The following RIF1 variants were observed in gnomAD, a reference collection of about 807,000 sequenced individuals.
RIF1 encodes telomere-associated protein RIF1.
Under a neutral mutation model 247.1 loss-of-function variants are expected in RIF1, and 45 were observed. The observed-to-expected ratio is 0.18, with a 90% CI of 0.14 to 0.23. The LOEUF (loss-of-function observed/expected upper bound fraction) is 0.23, where lower values mean the gene tolerates loss of function less well. RIF1 is among the 10% of genes least tolerant of loss of function. The probability of loss-of-function intolerance (pLI) is 1.00; values close to 1 mark genes in which losing one functional copy is unlikely to be tolerated. For synonymous variants in RIF1, 1,087 were observed against 978.8 expected, an observed-to-expected ratio of 1.11 and a Z score of -2.06; for missense variants, 2,967 against 2,862.5, an observed-to-expected ratio of 1.04 and a Z score of -0.83.
chr2:151,458,661 G>T lies in RIF1; in HGVS notation c.2856-150G>T, dbSNP rs527358433. 1.9e-5 allele frequency: 8 copies of T among 424,206 alleles called. No homozygotes were observed. The South Asian group carries it at 6.7e-4, about 36-fold the overall frequency. 26.3% of individuals were successfully genotyped at this position (424,206 alleles called of 1,614,324 possible). A position where few individuals can be genotyped will look rare whatever the true frequency, so the allele number is the denominator to read the frequency against. ...TATAAAAATTGCCTAATTTTTCTCA[G>T]TTTTATATACACATAGTAAGGAACA... On this transcript the variant is annotated intron_variant, in intron 24 of 35. Coordinates refer to ENST00000444746, the MANE Select transcript of RIF1 (RefSeq NM_018151.5).
In RIF1 at chr2:151,480,256, C is replaced by T. The variant is rs1335059765; in HGVS notation, c.*5185C>T. 1 of 152,158 alleles carries T rather than the reference C, an allele frequency of 6.6e-6. No homozygotes were observed. Among genetic ancestry groups the T allele is most frequent in the Non-Finnish European group, 1.5e-5 (1 of 68,012 alleles). 9.4% of individuals were successfully genotyped at this position (152,158 alleles called of 1,614,324 possible). ...AGAAAAAAACTCTAACTTTTGTACT[C>T]TACTTGTAGCAGAGGGAATATTTTT... On this transcript the variant is annotated 3_prime_UTR_variant, in exon 36 of 36. Coordinates refer to ENST00000444746, the MANE Select transcript of RIF1 (RefSeq NM_018151.5).
the RIF1 span, chr2:151,516,566 G>A: frequency 6.3e-7 from 1 of 1,589,374 alleles, no homozygotes; most frequent in South Asian, 1.1e-5. Flanking sequence ...TATTTCACCT[G>A]GTGATAGAAA....
rs556859384 is a variant in RIF1 at position 151,458,051 on chromosome 2, G to A, written c.2855+88G>A. ...TTTGATTCAAATAATCTTTTCTTAT[G>A]GGGTATTGTTACAGAGGATTCCTTA... On this transcript the variant is annotated intron_variant, in intron 24 of 35. Transcript: ENST00000444746. The A allele has an allele frequency of 7.6e-6, 7 of 922,204 alleles. No homozygotes were observed. The African/African-American group carries it at 1.2e-4, about 15-fold the overall frequency. 57.1% of individuals were successfully genotyped at this position (922,204 alleles called of 1,614,324 possible).
At chr2:151,514,957 TA>T in the RIF1 span, 313 of 1,401,014 alleles carry the variant, frequency 2.2e-4, 1 homozygote, top group South Asian at 7.5e-4. Context: ...AAAGACAAGT[TA>T]AAAAAAAATC....
chr2:151,510,657 ATTAG>A (rs1443136552), downstream of RIF1, among the ~76,000 whole-genome samples: 22 of 152,282 alleles, frequency 1.4e-4, no homozygotes, highest in South Asian at 2.1e-4. Flanking sequence ...GTTCTATTTT[ATTAG>A]TTATTGTTGT....
chr2:151,517,686 T>A, the RIF1 span, among the ~76,000 whole-genome samples: 3 of 152,216 alleles, frequency 2.0e-5, no homozygotes, highest in African/African-American at 7.2e-5. Flanking sequence ...CTGTACAGCA[T>A]ATTATTTTAC....
At chr2:151,518,401 C>CATACTTCTTCTT in the RIF1 span, 1 of 1,609,522 alleles carries the variant, frequency 6.2e-7, no homozygotes, top group African/African-American at 1.3e-5. Context: ...TTACTCTTCT[C>CATACTTCTTCTT]ATACTTCTTC....
intron 9 of RIF1, among the ~76,000 whole-genome samples, chr2:151,429,308 G>A (rs1689648456): frequency 6.6e-6 from 1 of 152,038 alleles, no homozygotes; most frequent in Admixed American, 6.6e-5. Context: ...AGCCTCCCGA[G>A]TAGCTGGGAT....
At chr2:151,467,663 T>C (rs889171699) in intron 30 of RIF1, among the ~76,000 whole-genome samples, 1 of 152,170 alleles carries the variant, frequency 6.6e-6, no homozygotes, top group Non-Finnish European at 1.5e-5. Flanking sequence ...TTTACATCAG[T>C]CTTCTTTCTA....
chr2:151,464,144 T>C lies in RIF1; in HGVS notation c.4624T>C (p.Ser1542Pro), dbSNP rs745940946. Residue 1542 changes from serine (S) to proline (P), a missense_variant, in exon 30 of 36, where the codon TCT (serine) becomes CCT (proline). This residue lies in a region of RIF1 where 2,028 missense variants were observed against 1,825.6 expected (regional missense o/e 1.11). Transcript: ENST00000444746. ...GRTRYQTRRA[S>P]QGLLSSIENS... is the part of the protein sequence containing the mutation. ...AACACGGTATCAAACTAGAAGAGCA[T>C]CTCAGGGTTTGCTTTCCAGCATTGA... The C allele has an allele frequency of 4.3e-6, 7 of 1,610,174 alleles. 1 individual carries two copies. Among genetic ancestry groups the C allele is most frequent in the African/African-American group, 4.0e-5 (3 of 74,498 alleles).
intron 7 of RIF1, among the ~76,000 whole-genome samples, chr2:151,420,847 AT>A: frequency 6.6e-6 from 1 of 152,178 alleles, no homozygotes. Context: ...GCAAAGGCAC[AT>A]TGCTCATTAC....
intron 11 of RIF1, chr2:151,501,592 T>TGAA (rs1278178787): frequency 3.8e-6 from 2 of 529,662 alleles, no homozygotes; most frequent in African/African-American, 1.9e-5. Flanking sequence ...GTTTTTATGA[T>TGAA]GAAGTACCTC....
chr2:151,456,505 T>G (rs1187849796), intron 22 of RIF1, 73 bp from the exon 23 acceptor site: 1 of 800,058 alleles, frequency 1.2e-6, no homozygotes, highest in Admixed American at 2.7e-5. Context: ...ACCTTTTTCT[T>G]AGGATTAGCT....
At chr2:151,422,588 C>T (rs1203878463) in intron 7 of RIF1, among the ~76,000 whole-genome samples, 1 of 151,952 alleles carries the variant, frequency 6.6e-6, no homozygotes, top group Non-Finnish European at 1.5e-5. Flanking sequence ...CAACCTCCAC[C>T]TCCCAGGTTC....
intron 6 of RIF1, 73 bp from the exon 7 acceptor site, chr2:151,420,117 T>C (rs1418725942): frequency 6.9e-6 from 9 of 1,296,078 alleles, no homozygotes; most frequent in Non-Finnish European, 9.7e-6. Context: ...TATTTCTGTT[T>C]CACCTATTTT....
intron 6 of RIF1, among the ~76,000 whole-genome samples, chr2:151,417,884 C>T (rs1687482849): frequency 6.6e-6 from 1 of 152,104 alleles, no homozygotes; most frequent in African/African-American, 2.4e-5. Context: ...ACCTGTTGCT[C>T]CTAGGCTACA....
At chr2:151,523,080 T>A in the RIF1 span, among the ~76,000 whole-genome samples, 3 of 152,224 alleles carry the variant, frequency 2.0e-5, no homozygotes, top group African/African-American at 7.2e-5. Flanking sequence ...TCGTTTGTTT[T>A]TAAATTATAA....
intron 20 of RIF1, 22 bp downstream of exon 20, chr2:151,446,597 CTTT>C: frequency 6.3e-7 from 1 of 1,599,942 alleles, no homozygotes; most frequent in Non-Finnish European, 8.5e-7. Flanking sequence ...CTGATGCTAC[CTTT>C]TTTTGTTTGT....
rs1047336113 is a variant in RIF1, at chr2:151,410,275, C to T, written c.-10-139C>T. 60 of 674,188 alleles carry T rather than the reference C, an allele frequency of 8.9e-5. 2 individuals carry two copies. Among genetic ancestry groups the T allele is most frequent in the Non-Finnish European group, 1.0e-5 (4 of 386,308 alleles). The allele number at this position is 674,188 out of a possible 1,614,324, so 41.8% of individuals were successfully genotyped here. A position where few individuals can be genotyped will look rare whatever the true frequency, so the allele number is the denominator to read the frequency against. On this transcript the variant is annotated intron_variant, in intron 1 of 35. Coordinates refer to ENST00000444746, the MANE Select transcript of RIF1 (RefSeq NM_018151.5). Reference sequence around the variant, plus strand: ...AGGTTCGCGCTGGGGTTTGGTGATTCGGAGGCCTGGGGTGCAGACGCGGCG... The same window carrying T: ...AGGTTCGCGCTGGGGTTTGGTGATTTGGAGGCCTGGGGTGCAGACGCGGCG...
Sources: allele counts gnomAD v4.1 joint callset (sites outside exome capture counted in the v4.1 genomes callset), GRCh38; gene constraint gnomAD v4.1.1; regional missense constraint gnomAD v4.1.1; transcripts MANE v1.5; gene names NCBI Gene and HGNC (gene_info 2026-07-23, HGNC 2026-07-21).